POLE2: variants seen among roughly 807,000 people sequenced by gnomAD.
POLE2 encodes DNA polymerase epsilon 2, accessory subunit.
In POLE2, 56 loss-of-function variants were observed where a neutral mutation model predicts 79.4. The observed-to-expected ratio is 0.71, with a 90% CI of 0.57 to 0.88. The LOEUF is 0.88. POLE2 is among the 40% of genes least tolerant of loss of function. The pLI is 0.00. For missense variants in POLE2, 598 were observed against 638.9 expected (o/e 0.94, Z 0.69); for synonymous variants, 212 against 214.0 (o/e 0.99, Z 0.08).
At position 49,675,462 on chromosome 14, in the gene POLE2, GAC is replaced by G. The variant is rs572045480; in HGVS notation, c.246-1037_246-1036del. Among the ~76,000 whole-genome samples the G allele has an allele frequency of 2.2e-3, 334 of 151,422 alleles. 3 individuals carry two copies. The highest frequency in any genetic ancestry group is 7.0e-3 in the African/African-American group (287 of 41,242). ...TTTTTGTTTTTGTTTTGTTTTTTGA[GAC>G]AGTCTCACTCTGATGCCCAGGCTGG... On this transcript the variant is annotated intron_variant, in intron 3 of 18. Transcript: ENST00000216367.
Position 49,655,105 on chromosome 14 carries a change from A to C in POLE2, c.929-11T>G, listed in dbSNP as rs377089002. 38 of 1,398,910 alleles carry C rather than the reference A, an allele frequency of 2.7e-5. No individual in the cohort carries two copies. The highest frequency in any genetic ancestry group is 3.6e-5 in the Non-Finnish European group (37 of 1,029,590). 86.7% of individuals were successfully genotyped at this position (1,398,910 alleles called of 1,614,324 possible). ...GTGCTGGTGAATAACCTAAACAATAAAAGAGTAAATGAACAATACTTTTCT... is the reference window on the plus strand; with the variant it reads ...GTGCTGGTGAATAACCTAAACAATACAAGAGTAAATGAACAATACTTTTCT... On this transcript the variant is annotated splice_polypyrimidine_tract_variant and intron_variant, in intron 11 of 18. Coordinates refer to ENST00000216367, the MANE Select transcript of POLE2 (RefSeq NM_002692.4).
chr14:49,661,186 G>A (rs1156819551), intron 10 of POLE2, among the ~76,000 whole-genome samples: 2 of 151,418 alleles, frequency 1.3e-5, no homozygotes, highest in Admixed American at 1.3e-4. Context: ...CTCCCAAATC[G>A]ACACTTCTTA....
At chr14:49,672,690 G>A (rs552678755) in intron 5 of POLE2, among the ~76,000 whole-genome samples, 3 of 152,036 alleles carry the variant, frequency 2.0e-5, no homozygotes, top group Non-Finnish European at 4.4e-5. Flanking sequence ...CTAGAGACAG[G>A]GTTTCTCCAT....
intron 10 of POLE2, 59 bp downstream of exon 10, chr14:49,663,256 C>A (rs974100417): frequency 4.0e-5 from 32 of 791,144 alleles, no homozygotes; most frequent in Non-Finnish European, 5.4e-5. Context: ...TACTATCTTA[C>A]ATTCACTCCT....
rs531398332 is a variant in POLE2, at chr14:49,680,635, T to C, written c.170-835A>G. 3.9e-4 allele frequency among the ~76,000 whole-genome samples: 60 copies of C among 152,204 alleles called. No homozygotes were observed. In the South Asian group the frequency reaches 8.7e-3, roughly 22 times the overall value. On this transcript the variant is annotated intron_variant, in intron 2 of 18. Transcript: ENST00000216367. ...AATTTTGCCCAAAAACTAGAAGAGA[T>C]AGAGAGCAACAAAAACCCAGGACTG...
intron 10 of POLE2, among the ~76,000 whole-genome samples, chr14:49,656,448 A>C (rs1054756270): frequency 6.6e-6 from 1 of 152,196 alleles, no homozygotes; most frequent in African/African-American, 2.4e-5. Flanking sequence ...CATTTGAACA[A>C]TATCTCATAG....
rs1356965372 is a variant in POLE2, at chr14:49,659,550, ATG to A, written c.756-3709_756-3708del. ...TAAAATTTTTTAAAGGTTATAAAGA[ATG>A]TTATAGTAACTAAAGTTAATTAATT... On this transcript the variant is annotated intron_variant, in intron 10 of 18. Coordinates refer to ENST00000216367, the MANE Select transcript of POLE2 (RefSeq NM_002692.4). 6.6e-5 allele frequency among the ~76,000 whole-genome samples: 10 copies of A among 152,106 alleles called. No homozygotes were observed. In the South Asian group the frequency reaches 1.4e-3, roughly 22 times the overall value.
intron 5 of POLE2, among the ~76,000 whole-genome samples, chr14:49,672,073 G>A: frequency 6.6e-6 from 1 of 152,218 alleles, no homozygotes; most frequent in Non-Finnish European, 1.5e-5. Context: ...GTGGAGATAA[G>A]AGGGAAGAGC....
At chr14:49,675,990 G>A (rs1886250439) in intron 3 of POLE2, among the ~76,000 whole-genome samples, 1 of 152,208 alleles carries the variant, frequency 6.6e-6, no homozygotes, top group Non-Finnish European at 1.5e-5. Flanking sequence ...CTGACCTCAT[G>A]AGCTGCCTGC....
rs763790429 is a variant in POLE2 at position 49,643,623 on chromosome 14, GA to G, written c.*28del. The stretch of plus-strand genomic sequence containing the variant: ...ATATAGAGTTAAGCAGAAAACTGAT[GA>G]ATTTTCTTCAGATGATCTTTAAGAA... On this transcript the variant is annotated 3_prime_UTR_variant, in exon 19 of 19. Transcript: ENST00000216367. 5 of 1,256,650 alleles carry G rather than the reference GA, an allele frequency of 4.0e-6. No individual in the cohort carries two copies. In the African/African-American group the frequency reaches 7.6e-5, roughly 19 times the overall value. The allele number at this position is 1,256,650 out of a possible 1,614,324, so 77.8% of individuals were successfully genotyped here. A position where few individuals can be genotyped will look rare whatever the true frequency, so the allele number is the denominator to read the frequency against.
At chr14:49,668,001 G>C (rs369941705) in intron 6 of POLE2, among the ~76,000 whole-genome samples, 2 of 152,210 alleles carry the variant, frequency 1.3e-5, no homozygotes, top group Non-Finnish European at 2.9e-5. Flanking sequence ...ACTGGGCGTG[G>C]TGGTTCACGC....
At chr14:49,667,052 G>T (rs1043933529) in intron 6 of POLE2, among the ~76,000 whole-genome samples, 3 of 152,036 alleles carry the variant, frequency 2.0e-5, no homozygotes, top group African/African-American at 7.2e-5. Context: ...GCCAGGCATG[G>T]TGGCAGGCGC....
At chr14:49,680,668 T>C (rs1886637163) in intron 2 of POLE2, among the ~76,000 whole-genome samples, 1 of 151,882 alleles carries the variant, frequency 6.6e-6, no homozygotes, top group Non-Finnish European at 1.5e-5. Context: ...CTGATTCCAG[T>C]GGGGGCTCTT....
chr14:49,645,499 G>C lies in POLE2; in HGVS notation c.1565+1794C>G, dbSNP rs142994768. ...ACATCAGTTTGTTTGATCTAGCATT[G>C]AAAAGATTCCCCAGTTACCAATACA... is the stretch of plus-strand genomic sequence containing the variant. On this transcript the variant is annotated intron_variant, in intron 18 of 18. Transcript: ENST00000216367. Among the ~76,000 whole-genome samples the C allele has an allele frequency of 7.1e-3, 1,084 of 152,256 alleles. 7 individuals are homozygous for C. Among genetic ancestry groups the C allele is most frequent in the Non-Finnish European group, 0.011 (767 of 68,014 alleles).
rs1884613204 is a variant in POLE2, at chr14:49,655,710, G to T, written c.889C>A (p.Gln297Lys). The change falls in exon 11 of 19, where the codon CAG becomes AAG. Residue 297 changes from glutamine (Q) to lysine (K), a missense_variant. Gln to Lys is a moderately conservative substitution (Grantham distance 53). Transcript: ENST00000216367. ...CGAAGTTTTTCCAATACTTCCACCTGGTCCAACCAAACATCAGATAAAAAC... is the reference window on the plus strand; with the variant it reads ...CGAAGTTTTTCCAATACTTCCACCTTGTCCAACCAAACATCAGATAAAAAC... ...FVFLSDVWLD[Q>K]VEVLEKLRIM... 1 of 1,609,596 alleles carries T rather than the reference G, an allele frequency of 6.2e-7. No individual in the cohort carries two copies. Among genetic ancestry groups the T allele is most frequent in the South Asian group, 1.1e-5 (1 of 90,136 alleles).
chr14:49,679,717 C>A lies in POLE2; in HGVS notation c.245+8G>T, dbSNP rs1335682623. 1.9e-5 allele frequency: 29 copies of A among 1,504,916 alleles called. No homozygotes were observed. The highest frequency in any genetic ancestry group is 2.7e-5 in the Non-Finnish European group (29 of 1,085,820). 93.2% of individuals were successfully genotyped at this position (1,504,916 alleles called of 1,614,324 possible). ...CAAGGAGGAAAAAAGTTAACTGTAC[C>A]CACATACATAGTTTCATCAACAGAC... On this transcript the variant is annotated splice_region_variant and intron_variant, in intron 3 of 18. Coordinates refer to ENST00000216367, the MANE Select transcript of POLE2 (RefSeq NM_002692.4).
At chr14:49,646,993 C>G in intron 18 of POLE2, 1 of 234,380 alleles carries the variant, frequency 4.3e-6, no homozygotes, top group Non-Finnish European at 8.2e-6. Flanking sequence ...GCAGGACTGA[C>G]CTCTCAGAAG....
chr14:49,677,879 A>G (rs962301771), intron 3 of POLE2: 3 of 392,778 alleles, frequency 7.6e-6, no homozygotes. Context: ...TGGCCAGCAC[A>G]CTGCCCAAAT....
At chr14:49,687,659 C>G (rs910636568) in intron 1 of POLE2, among the ~76,000 whole-genome samples, 2 of 151,916 alleles carry the variant, frequency 1.3e-5, no homozygotes, top group Non-Finnish European at 2.9e-5. Context: ...TCGCATGGGT[C>G]GGGGAAACCA....
Sources: gnomAD v4.1 joint callset for allele counts (sites outside exome capture counted in the v4.1 genomes callset) on GRCh38, gnomAD v4.1.1 for gene constraint, MANE v1.5 for transcripts, NCBI Gene and HGNC (gene_info 2026-07-23, HGNC 2026-07-21) for gene names.